The following USP32 variants were observed in gnomAD, a reference collection of about 807,000 sequenced individuals.
USP32 encodes the protein ubiquitin carboxyl-terminal hydrolase 32.
Under a neutral mutation model 204.8 loss-of-function variants are expected in USP32, and 59 were observed. That is an observed-to-expected ratio of 0.29 (90% CI 0.23 to 0.36). The LOEUF (loss-of-function observed/expected upper bound fraction) is 0.36. Among genes scored for constraint, USP32 ranks in the 10% least tolerant of loss-of-function variants. The probability of loss-of-function intolerance (pLI) is 1.00; values close to 1 mark genes in which losing one functional copy is unlikely to be tolerated. For synonymous variants in USP32, 517 were observed against 678.4 expected (o/e 0.76, Z 3.70); for missense variants, 1,160 against 1,946.4 (o/e 0.60, Z 7.60).
intron 4 of USP32, among the ~76,000 whole-genome samples, chr17:60,292,452 C>T (rs1194914242): frequency 1.3e-5 from 2 of 152,122 alleles, no homozygotes; most frequent in Non-Finnish European, 2.9e-5. Flanking sequence ...AACCCCCTAA[C>T]CTGCTTCTCC....
chr17:60,229,559 T>C (rs2085488901), intron 12 of USP32, among the ~76,000 whole-genome samples: 4 of 152,198 alleles, frequency 2.6e-5, no homozygotes, highest in Admixed American at 2.0e-4. Context: ...TTCAGGTCAT[T>C]TGCTTCCTGC....
rs1482485211 is a variant in USP32, at chr17:60,190,563, C to T, written c.3642G>A (p.Arg1214=). The T allele has an allele frequency of 1.3e-6, 2 of 1,573,350 alleles. No homozygotes were observed. The highest frequency in any genetic ancestry group is 4.1e-5 in the Admixed American group (2 of 48,960). ...TTTTATGGTGGCCCTAAATACTTAC[C>T]CTTTCCTGGGATGTTTGATAGCGAA... ...LHLRYQTSQE[R]VVDEHESVEQ... The change falls in exon 29 of 34, where the codon AGG becomes AGA. Residue 1214 remains arginine, a splice_region_variant and synonymous_variant. Transcript: ENST00000300896.
rs747713946 is a variant in USP32 at position 60,180,506 on chromosome 17, T to C, written c.4641+39A>G. 37 of 1,593,666 alleles carry C rather than the reference T, an allele frequency of 2.3e-5. No homozygotes were observed. In the Admixed American group the frequency reaches 6.2e-4, roughly 27 times the overall value. On this transcript the variant is annotated intron_variant, in intron 33 of 33. Transcript: ENST00000300896. ...AAATGTTCCCCAGTTCTGTTGATAT[T>C]CTGTTTCTAACTTTCATTCAAAGAC... is the stretch of plus-strand genomic sequence containing the variant.
At chr17:60,267,358 C>T (rs879107778) in intron 7 of USP32, among the ~76,000 whole-genome samples, 11 of 151,666 alleles carry the variant, frequency 7.3e-5, no homozygotes, top group South Asian at 2.1e-4. Flanking sequence ...GATCCAAGAT[C>T]GTGCCCCTGC....
chr17:60,386,164 G>A (rs2089727472), intron 1 of USP32, among the ~76,000 whole-genome samples: 1 of 149,372 alleles, frequency 6.7e-6, no homozygotes, highest in East Asian at 1.9e-4. Context: ...TTAAATGAGA[G>A]GACTTATTGG....
chr17:60,352,428 C>T (rs138819857), intron 1 of USP32, among the ~76,000 whole-genome samples: 1 of 152,242 alleles, frequency 6.6e-6, no homozygotes, highest in East Asian at 1.9e-4. Flanking sequence ...CATGGAACTG[C>T]CATATGACCC....
intron 26 of USP32, among the ~76,000 whole-genome samples, chr17:60,203,427 T>C (rs1191299327): frequency 7.1e-6 from 1 of 140,406 alleles, no homozygotes; most frequent in African/African-American, 2.8e-5. Context: ...AAAAAGAATA[T>C]ATTTCTGTTG....
chr17:60,306,503 T>A (rs2087726951), intron 2 of USP32, among the ~76,000 whole-genome samples: 1 of 151,892 alleles, frequency 6.6e-6, no homozygotes, highest in African/African-American at 2.4e-5. Context: ...CTGGGCGTTG[T>A]GGTGGGCGCC....
intron 1 of USP32, among the ~76,000 whole-genome samples, chr17:60,357,759 T>C (rs955274207): frequency 1.3e-5 from 2 of 152,244 alleles, no homozygotes; most frequent in East Asian, 1.9e-4. Context: ...TTCTCAAGCA[T>C]TGGCATTTAG....
At chr17:60,308,027 G>C (rs969193068) in intron 2 of USP32, among the ~76,000 whole-genome samples, 1 of 152,148 alleles carries the variant, frequency 6.6e-6, no homozygotes, top group Non-Finnish European at 1.5e-5. Flanking sequence ...TACGGCCGCT[G>C]AGAGGCCCGA....
At chr17:60,291,314 G>A (rs58117887) in intron 4 of USP32, among the ~76,000 whole-genome samples, 6,755 of 152,156 alleles carry the variant, frequency 0.044, 536 homozygotes, top group African/African-American at 0.15. Context: ...CTTCTAAAAA[G>A]AGAAGAATAG....
intron 8 of USP32, 134 bp from the exon 9 acceptor site, chr17:60,265,608 G>A: frequency 1.6e-6 from 1 of 632,330 alleles, no homozygotes; most frequent in Non-Finnish European, 2.7e-6. Context: ...ACGTTGCCCA[G>A]GATTATCTCA....
At chr17:60,326,871 T>C (rs1354629776) in intron 2 of USP32, among the ~76,000 whole-genome samples, 2 of 152,108 alleles carry the variant, frequency 1.3e-5, no homozygotes, top group African/African-American at 4.8e-5. Flanking sequence ...TGTTAAAAAA[T>C]AAACACTTCA....
intron 22 of USP32, 130 bp from the exon 23 acceptor site, chr17:60,208,958 A>G (rs1373708313): frequency 2.2e-6 from 2 of 905,898 alleles, no homozygotes; most frequent in African/African-American, 3.5e-5. Flanking sequence ...TTCATTTAAC[A>G]TAAAATATTA....
chr17:60,370,040 A>G (rs2089406833), intron 1 of USP32, among the ~76,000 whole-genome samples: 1 of 151,908 alleles, frequency 6.6e-6, no homozygotes, highest in Non-Finnish European at 1.5e-5. Flanking sequence ...TGCACAGCCT[A>G]CAAAATAATT....
intron 26 of USP32, among the ~76,000 whole-genome samples, chr17:60,200,469 A>T (rs1378958972): frequency 6.6e-6 from 1 of 151,880 alleles, no homozygotes; most frequent in East Asian, 1.9e-4. Flanking sequence ...CTGAGGCAGG[A>T]GAATCACTTG....
chr17:60,420,696 A>T (rs962497024), intron 1 of USP32, among the ~76,000 whole-genome samples: 21 of 152,230 alleles, frequency 1.4e-4, no homozygotes, highest in African/African-American at 4.6e-4. Flanking sequence ...CAAACAAAAA[A>T]ACCTCTTTCC....
intron 1 of USP32, among the ~76,000 whole-genome samples, chr17:60,369,850 G>A (rs1029491310): frequency 7.2e-5 from 11 of 151,762 alleles, no homozygotes; most frequent in African/African-American, 2.7e-4. Flanking sequence ...TGATTCTCCT[G>A]CCTCAGCCTC....
At chr17:60,348,813 C>T (rs1385200459) in intron 1 of USP32, among the ~76,000 whole-genome samples, 2 of 151,754 alleles carry the variant, frequency 1.3e-5, no homozygotes, top group East Asian at 3.9e-4. Flanking sequence ...CACAGTTAAT[C>T]ACTTTGATAA....
Sources: allele counts gnomAD v4.1 joint callset (sites outside exome capture counted in the v4.1 genomes callset), GRCh38; gene constraint gnomAD v4.1.1; transcripts MANE v1.5; gene names NCBI Gene and HGNC (gene_info 2026-07-23, HGNC 2026-07-21).